The following KCNN2 variants were observed in gnomAD, a reference collection of about 807,000 sequenced individuals.
The protein encoded by KCNN2 is potassium calcium-activated channel subfamily N member 2, also known as small conductance calcium-activated potassium channel protein 2.
KCNN2 carries 24 observed loss-of-function variants against 55.5 expected under a neutral mutation model. The observed-to-expected ratio is 0.43, with a 90% CI of 0.31 to 0.61. The LOEUF is 0.61. Among genes scored for constraint, KCNN2 ranks in the 20% least tolerant of loss-of-function variants. KCNN2 has a pLI of 0.08. For missense variants in KCNN2, 754 were observed against 853.6 expected (o/e 0.88, Z 1.45); for synonymous variants, 431 against 336.1 (o/e 1.28, Z -3.09).
intron 1 of KCNN2, among the ~76,000 whole-genome samples, chr5:114,163,024 G>A (rs1450172755): frequency 6.6e-6 from 1 of 152,212 alleles, no homozygotes; most frequent in East Asian, 1.9e-4. Context: ...CCCACTGTCT[G>A]GCAATCCCCA....
chr5:114,447,335 T>C (rs1228641757), intron 3 of KCNN2, among the ~76,000 whole-genome samples: 1 of 152,206 alleles, frequency 6.6e-6, no homozygotes, highest in African/African-American at 2.4e-5. Flanking sequence ...AACTGAATGG[T>C]TTTAGATCCA....
At chr5:114,360,966 A>T (rs1248210179), upstream of KCNN2, 1 of 153,410 alleles carries the variant, frequency 6.5e-6, no homozygotes, top group African/African-American at 2.4e-5. Context: ...GAAGAGAAGC[A>T]GAAGAGCAGC....
chr5:114,429,652 G>A (rs1344014461), intron 3 of KCNN2, among the ~76,000 whole-genome samples: 3 of 151,986 alleles, frequency 2.0e-5, no homozygotes, highest in Admixed American at 1.3e-4. Flanking sequence ...TGCCTTTGGA[G>A]TTGTATCTAA....
chr5:114,345,730 C>A (rs1321767032), intron 2 of KCNN2, among the ~76,000 whole-genome samples: 1 of 152,140 alleles, frequency 6.6e-6, no homozygotes. Flanking sequence ...GCAGGCTATA[C>A]AAGCATGGCA....
intron 2 of KCNN2, among the ~76,000 whole-genome samples, chr5:114,345,258 G>A (rs900039356): frequency 2.0e-5 from 3 of 152,162 alleles, no homozygotes; most frequent in African/African-American, 4.8e-5. Context: ...AAATATACAT[G>A]TGTCAACTTC....
intron 5 of KCNN2, among the ~76,000 whole-genome samples, chr5:114,479,600 C>G (rs902961658): frequency 4.6e-5 from 7 of 152,118 alleles, no homozygotes; most frequent in Non-Finnish European, 1.0e-4. Flanking sequence ...CTATGTGGCA[C>G]TTAATGTAAA....
At chr5:114,162,287 G>T (rs1330008677) in intron 1 of KCNN2, among the ~76,000 whole-genome samples, 1 of 152,156 alleles carries the variant, frequency 6.6e-6, no homozygotes, top group East Asian at 1.9e-4. Flanking sequence ...TGTTTGCATG[G>T]GTATCAGCAG....
At chr5:114,262,610 A>C (rs1755130669) in intron 2 of KCNN2, among the ~76,000 whole-genome samples, 1 of 152,254 alleles carries the variant, frequency 6.6e-6, no homozygotes, top group African/African-American at 2.4e-5. Flanking sequence ...TAGTAGCAGT[A>C]ACTACTTCAT....
At chr5:114,456,380 C>T (rs1466268656) in intron 3 of KCNN2, among the ~76,000 whole-genome samples, 2 of 152,178 alleles carry the variant, frequency 1.3e-5, no homozygotes, top group Non-Finnish European at 1.5e-5. Flanking sequence ...CTTTTGAGTT[C>T]TGTTGCTCAA....
intron 2 of KCNN2, among the ~76,000 whole-genome samples, chr5:114,277,050 A>C (rs1755505504): frequency 6.6e-6 from 1 of 152,130 alleles, no homozygotes; most frequent in South Asian, 2.1e-4. Context: ...AAAATCTCTC[A>C]GCATTTTCTT....
chr5:114,077,724 C>T (rs1406949288), intron 1 of KCNN2, among the ~76,000 whole-genome samples: 1 of 152,040 alleles, frequency 6.6e-6, no homozygotes, highest in African/African-American at 2.4e-5. Flanking sequence ...GCAGAAGGCC[C>T]CAAGAGCATT....
chr5:114,375,974 A>ATATG (rs1322432699), intron 2 of KCNN2, among the ~76,000 whole-genome samples: 1 of 139,238 alleles, frequency 7.2e-6, no homozygotes, highest in Non-Finnish European at 1.6e-5. Context: ...ATATATATAT[A>ATATG]TATGTATTTT....
chr5:114,070,692 AATATTTT>A (rs1750550170), intron 1 of KCNN2, among the ~76,000 whole-genome samples: 2 of 152,168 alleles, frequency 1.3e-5, no homozygotes, highest in Non-Finnish European at 2.9e-5. Context: ...TTTAAGCCCT[AATATTTT>A]ATCAATTTTA....
chr5:114,472,290 G>A (rs1018319203), intron 4 of KCNN2, among the ~76,000 whole-genome samples: 2 of 152,300 alleles, frequency 1.3e-5, no homozygotes, highest in East Asian at 1.9e-4. Flanking sequence ...CCTTGATCAC[G>A]GAGCGGGAGG....
At chr5:114,142,579 A>T (rs1350018425) in intron 1 of KCNN2, among the ~76,000 whole-genome samples, 1 of 152,188 alleles carries the variant, frequency 6.6e-6, no homozygotes, top group African/African-American at 2.4e-5. Flanking sequence ...CCAATAACAG[A>T]CAAACAGAGA....
intron 1 of KCNN2, among the ~76,000 whole-genome samples, chr5:114,112,861 G>C (rs1338980607): frequency 6.6e-6 from 1 of 152,030 alleles, no homozygotes; most frequent in African/African-American, 2.4e-5. Context: ...GTTTCTACAT[G>C]CTAATGGGAT....
chr5:114,382,670 A>G (rs1354119621), intron 2 of KCNN2, among the ~76,000 whole-genome samples: 1 of 152,216 alleles, frequency 6.6e-6, no homozygotes, highest in Non-Finnish European at 1.5e-5. Context: ...AGGAGTCAGT[A>G]GTCCTCTTGT....
At chr5:114,249,343 A>G (rs558562823) in intron 2 of KCNN2, among the ~76,000 whole-genome samples, 126 of 149,580 alleles carry the variant, frequency 8.4e-4, no homozygotes, top group African/African-American at 3.0e-3. Context: ...GGTGGAGTGC[A>G]GTTGTGTGAT....
At chr5:114,096,765 C>A (rs1218103949) in intron 1 of KCNN2, among the ~76,000 whole-genome samples, 2 of 152,194 alleles carry the variant, frequency 1.3e-5, no homozygotes, top group Non-Finnish European at 2.9e-5. Context: ...GCCACAGAAA[C>A]CCTGGTGATC....
Sources: gnomAD v4.1 joint callset for allele counts (sites outside exome capture counted in the v4.1 genomes callset) on GRCh38, gnomAD v4.1.1 for gene constraint, MANE v1.5 for transcripts, NCBI Gene and HGNC (gene_info 2026-07-23, HGNC 2026-07-21) for gene names.